The following SRPK2 variants were observed in gnomAD, a reference collection of about 807,000 sequenced individuals.
The protein encoded by SRPK2 is SRSF protein kinase 2.
In SRPK2, 21 loss-of-function variants were observed where a neutral mutation model predicts 90.8. That is an observed-to-expected ratio of 0.23 (90% CI 0.16 to 0.33). SRPK2 has a LOEUF of 0.33. SRPK2 is among the 10% of genes least tolerant of loss of function. The pLI, the probability that SRPK2 is intolerant of heterozygous loss-of-function variation, is 1.00. For missense variants in SRPK2, 620 were observed against 869.0 expected (o/e 0.71, Z 3.60); for synonymous variants, 288 against 311.1 (o/e 0.93, Z 0.78).
intron 7 of SRPK2, among the ~76,000 whole-genome samples, chr7:105,151,059 C>A (rs1216953084): frequency 2.0e-5 from 3 of 152,030 alleles, no homozygotes; most frequent in African/African-American, 7.2e-5. Context: ...TCATGACAAG[C>A]AAGAAGTGAT....
chr7:105,316,055 G>A (rs566310053), intron 2 of SRPK2, among the ~76,000 whole-genome samples: 3 of 131,606 alleles, frequency 2.3e-5, no homozygotes, highest in South Asian at 4.7e-4. Context: ...ACTGAGTTTC[G>A]CTCTTGTCAC....
chr7:105,229,815 G>T (rs1412704206), intron 2 of SRPK2, among the ~76,000 whole-genome samples: 1 of 138,304 alleles, frequency 7.2e-6, no homozygotes, highest in Admixed American at 7.2e-5. Flanking sequence ...GGGTGGGGGG[G>T]AATGGGGGTG....
chr7:105,269,015 G>C (rs1173188112), intron 2 of SRPK2: 2 of 1,340,828 alleles, frequency 1.5e-6, no homozygotes, highest in African/African-American at 1.5e-5. Flanking sequence ...GGATTCAATG[G>C]TGCTATAAAG....
intron 2 of SRPK2, among the ~76,000 whole-genome samples, chr7:105,308,646 A>G (rs981864705): frequency 1.3e-5 from 2 of 152,204 alleles, no homozygotes; most frequent in Admixed American, 1.3e-4. Context: ...CTAAAGCTTT[A>G]ATGTATCACA....
intron 2 of SRPK2, among the ~76,000 whole-genome samples, chr7:105,238,701 TAC>T (rs757763577): frequency 2.4e-4 from 37 of 152,348 alleles, no homozygotes; most frequent in Admixed American, 5.2e-4. Context: ...GCTTCACCAT[TAC>T]ACAGTCATTA....
intron 3 of SRPK2, among the ~76,000 whole-genome samples, chr7:105,173,160 C>G (rs959228022): frequency 3.3e-5 from 5 of 152,014 alleles, no homozygotes; most frequent in African/African-American, 1.2e-4. Flanking sequence ...GTCACCCAGG[C>G]TGGAGTGCAG....
At chr7:105,196,522 A>C (rs576064098) in intron 3 of SRPK2, among the ~76,000 whole-genome samples, 1 of 152,328 alleles carries the variant, frequency 6.6e-6, no homozygotes, top group African/African-American at 2.4e-5. Flanking sequence ...AACCTTTAGC[A>C]GCATCCCTGG....
At chr7:105,256,529 A>T (rs1460986202) in intron 2 of SRPK2, among the ~76,000 whole-genome samples, 1 of 152,060 alleles carries the variant, frequency 6.6e-6, no homozygotes, top group Non-Finnish European at 1.5e-5. Context: ...CTTATTTTTA[A>T]ATTATTTTGT....
At chr7:105,231,508 T>A (rs1336729969) in intron 2 of SRPK2, among the ~76,000 whole-genome samples, 2 of 152,220 alleles carry the variant, frequency 1.3e-5, no homozygotes, top group Non-Finnish European at 2.9e-5. Context: ...TCCACAGTGG[T>A]TGAACAAATT....
chr7:105,314,969 T>G (rs1442650123), intron 2 of SRPK2, among the ~76,000 whole-genome samples: 2 of 152,152 alleles, frequency 1.3e-5, no homozygotes, highest in African/African-American at 4.8e-5. Flanking sequence ...GGTATCTCAA[T>G]TTTTCTAATA....
intron 2 of SRPK2, among the ~76,000 whole-genome samples, chr7:105,378,125 G>A (rs1019084702): frequency 2.0e-5 from 3 of 151,942 alleles, no homozygotes; most frequent in African/African-American, 4.8e-5. Context: ...AAGACTACAC[G>A]CCATTTTAAA....
At chr7:105,166,486 G>A (rs1219141786) in intron 6 of SRPK2, among the ~76,000 whole-genome samples, 1 of 152,146 alleles carries the variant, frequency 6.6e-6, no homozygotes, top group Admixed American at 6.5e-5. Context: ...TGACTTCTAG[G>A]ATTTGCTCTA....
At chr7:105,137,294 A>C (rs1802989139) in intron 11 of SRPK2, among the ~76,000 whole-genome samples, 1 of 152,216 alleles carries the variant, frequency 6.6e-6, no homozygotes, top group South Asian at 2.1e-4. Flanking sequence ...AACACACTGG[A>C]GAGTTTGTCA....
At chr7:105,143,546 G>C in intron 9 of SRPK2, 1 of 598,142 alleles carries the variant, frequency 1.7e-6, no homozygotes, top group South Asian at 2.1e-5. Flanking sequence ...TCTACTACCA[G>C]GTCCTGCCCT....
chr7:105,123,680 A>C (rs1278092807), intron 15 of SRPK2, among the ~76,000 whole-genome samples: 1 of 152,138 alleles, frequency 6.6e-6, no homozygotes, highest in African/African-American at 2.4e-5. Flanking sequence ...CAACGGTGAA[A>C]TCTATTTCCA....
At chr7:105,325,551 CAAAA>C (rs34722293) in intron 2 of SRPK2, among the ~76,000 whole-genome samples, 9 of 71,506 alleles carry the variant, frequency 1.3e-4, no homozygotes, top group Admixed American at 4.6e-4. Flanking sequence ...TTTCTCAAGG[CAAAA>C]AAAAAAAAAA....
At chr7:105,136,237 A>C (rs968254925) in intron 11 of SRPK2, among the ~76,000 whole-genome samples, 2 of 152,232 alleles carry the variant, frequency 1.3e-5, no homozygotes, top group Non-Finnish European at 2.9e-5. Flanking sequence ...TTGTATAAAA[A>C]CACAACAGGA....
intron 2 of SRPK2, among the ~76,000 whole-genome samples, chr7:105,362,284 C>T (rs1249161429): frequency 6.6e-6 from 1 of 152,138 alleles, no homozygotes. Flanking sequence ...GAGATACCAT[C>T]TCACACCAGT....
chr7:105,358,566 G>A lies in SRPK2; in HGVS notation c.71+30082C>T, dbSNP rs540343704. Among the ~76,000 whole-genome samples, 15 of 151,786 alleles carry A rather than the reference G, an allele frequency of 9.9e-5. No individual in the cohort carries two copies. The East Asian group carries it at 2.9e-3, about 30-fold the overall frequency. The stretch of plus-strand genomic sequence containing the variant: ...CCGGGCATGGTGGTTCTTGCCTGCC[G>A]TGTCAGTTACTTGGGGATCTGAGGT... On this transcript the variant is annotated intron_variant, in intron 2 of 15. Coordinates refer to ENST00000393651, the MANE Select transcript of SRPK2 (RefSeq NM_182692.3).
Sources: allele counts gnomAD v4.1 joint callset (sites outside exome capture counted in the v4.1 genomes callset), GRCh38; gene constraint gnomAD v4.1.1; transcripts MANE v1.5; gene names NCBI Gene and HGNC (gene_info 2026-07-23, HGNC 2026-07-21).